Variants in ASIC2 observed in about 807,000 individuals in gnomAD.
ASIC2 encodes the protein acid-sensing ion channel 2.
A neutral mutation model predicts 57.3 loss-of-function variants in ASIC2; 25 were observed. That is an observed-to-expected ratio of 0.44 (90% CI 0.32 to 0.61). ASIC2 has a LOEUF of 0.61. Among genes scored for constraint, ASIC2 ranks in the 20% least tolerant of loss-of-function variants. ASIC2 has a pLI of 0.06. For missense variants in ASIC2, 641 were observed against 738.1 expected (o/e 0.87, Z 1.52); for synonymous variants, 319 against 307.5 (o/e 1.04, Z -0.39).
intron 1 of ASIC2, among the ~76,000 whole-genome samples, chr17:34,075,439 A>G (rs1909599224): frequency 6.6e-6 from 1 of 152,208 alleles, no homozygotes; most frequent in Admixed American, 6.5e-5. Flanking sequence ...GGTTTCAAAC[A>G]CTTTTTAAGT....
chr17:33,566,822 G>C (rs1311446181), intron 1 of ASIC2, among the ~76,000 whole-genome samples: 1 of 152,060 alleles, frequency 6.6e-6, no homozygotes, highest in Non-Finnish European at 1.5e-5. Flanking sequence ...GATCTTTCCT[G>C]ACTGTGTCCC....
At chr17:34,052,555 T>A (rs929908220) in intron 1 of ASIC2, among the ~76,000 whole-genome samples, 1 of 151,924 alleles carries the variant, frequency 6.6e-6, no homozygotes, top group Non-Finnish European at 1.5e-5. Flanking sequence ...TTTCTGTGGC[T>A]GTACCCAACA....
At chr17:33,151,961 T>C (rs566768003) in intron 1 of ASIC2, among the ~76,000 whole-genome samples, 2 of 152,220 alleles carry the variant, frequency 1.3e-5, no homozygotes, top group African/African-American at 2.4e-5. Flanking sequence ...TATATGAGAG[T>C]TGCTTAATAA....
At chr17:33,307,426 A>C (rs999018124) in intron 1 of ASIC2, among the ~76,000 whole-genome samples, 3 of 151,942 alleles carry the variant, frequency 2.0e-5, no homozygotes, top group African/African-American at 7.3e-5. Flanking sequence ...TCTCCTGCTT[A>C]AGCCTCCTGA....
intron 1 of ASIC2, among the ~76,000 whole-genome samples, chr17:33,646,758 A>G (rs950012667): frequency 3.9e-5 from 6 of 152,184 alleles, no homozygotes; most frequent in Non-Finnish European, 7.3e-5. Flanking sequence ...GGTGCAGAGT[A>G]GCTACAGAGG....
intron 1 of ASIC2, among the ~76,000 whole-genome samples, chr17:33,805,228 T>C (rs1912236195): frequency 6.6e-6 from 1 of 152,228 alleles, no homozygotes; most frequent in South Asian, 2.1e-4. Context: ...CCTGTGTTTC[T>C]GGACTGTGAT....
At chr17:33,729,377 C>T (rs1037239697) in intron 1 of ASIC2, among the ~76,000 whole-genome samples, 1 of 152,180 alleles carries the variant, frequency 6.6e-6, no homozygotes, top group Non-Finnish European at 1.5e-5. Context: ...GTACTACCCC[C>T]ATGATCCAAA....
chr17:33,966,019 G>T (rs552181302), intron 1 of ASIC2, among the ~76,000 whole-genome samples: 34 of 152,336 alleles, frequency 2.2e-4, no homozygotes, highest in South Asian at 1.0e-3. Context: ...CCTTCACTAT[G>T]CAGGCTCTGC....
intron 1 of ASIC2, among the ~76,000 whole-genome samples, chr17:34,032,429 C>T (rs1051260909): frequency 1.3e-5 from 2 of 152,182 alleles, no homozygotes; most frequent in African/African-American, 4.8e-5. Context: ...TAAAAACCAT[C>T]AAGGCTAGGA....
At chr17:34,018,699 A>G (rs1438227086) in intron 1 of ASIC2, among the ~76,000 whole-genome samples, 1 of 152,210 alleles carries the variant, frequency 6.6e-6, no homozygotes, top group Non-Finnish European at 1.5e-5. Context: ...CAAGACTTCA[A>G]TGAGGAATGT....
intron 1 of ASIC2, among the ~76,000 whole-genome samples, chr17:33,357,433 G>A (rs1330844859): frequency 6.6e-6 from 1 of 152,162 alleles, no homozygotes; most frequent in Non-Finnish European, 1.5e-5. Context: ...ATTTGCTCCA[G>A]TAGATCTTAG....
chr17:33,785,958 A>T (rs1911589127), intron 1 of ASIC2, among the ~76,000 whole-genome samples: 1 of 152,226 alleles, frequency 6.6e-6, no homozygotes, highest in African/African-American at 2.4e-5. Flanking sequence ...GTTTACTGCT[A>T]TCTGCTAAGT....
intron 1 of ASIC2, among the ~76,000 whole-genome samples, chr17:33,975,086 G>A (rs933496963): frequency 4.6e-5 from 7 of 152,184 alleles, no homozygotes; most frequent in East Asian, 3.8e-4. Flanking sequence ...TGTCTGACAC[G>A]TGGCAGGCAC....
chr17:33,768,864 G>A (rs1183033575), intron 1 of ASIC2, among the ~76,000 whole-genome samples: 2 of 152,124 alleles, frequency 1.3e-5, no homozygotes, highest in African/African-American at 2.4e-5. Context: ...CTTTGGGGAA[G>A]AGACCTCCTG....
intron 1 of ASIC2, among the ~76,000 whole-genome samples, chr17:33,138,511 C>A (rs909510170): frequency 1.3e-5 from 2 of 152,200 alleles, no homozygotes; most frequent in East Asian, 3.9e-4. Context: ...CTCGGAAGTC[C>A]TTGACTAGTA....
chr17:33,040,252 C>T (rs979408421), intron 3 of ASIC2, among the ~76,000 whole-genome samples: 1 of 152,222 alleles, frequency 6.6e-6, no homozygotes, highest in African/African-American at 2.4e-5. Context: ...CATGAAGAGA[C>T]ACACTCCAAT....
At chr17:33,250,791 C>A (rs574980944) in intron 1 of ASIC2, among the ~76,000 whole-genome samples, 2 of 152,230 alleles carry the variant, frequency 1.3e-5, no homozygotes, top group East Asian at 3.9e-4. Flanking sequence ...AGCCCAGGGA[C>A]CCTCTATGGA....
At chr17:33,719,976 G>A (rs925970256) in intron 1 of ASIC2, among the ~76,000 whole-genome samples, 1 of 152,130 alleles carries the variant, frequency 6.6e-6, no homozygotes, top group Admixed American at 6.5e-5. Flanking sequence ...AAAACTTCTG[G>A]GCTCAAGTGA....
intron 1 of ASIC2, among the ~76,000 whole-genome samples, chr17:33,315,024 C>T (rs1347173595): frequency 6.6e-6 from 1 of 152,170 alleles, no homozygotes; most frequent in Admixed American, 6.5e-5. Flanking sequence ...AGAGAAACTT[C>T]AGTTGAAATT....
Sources: allele counts gnomAD v4.1 joint callset (sites outside exome capture counted in the v4.1 genomes callset), GRCh38; gene constraint gnomAD v4.1.1; transcripts MANE v1.5; gene names NCBI Gene and HGNC (gene_info 2026-07-23, HGNC 2026-07-21).